Variants in PRDM16 observed in about 807,000 individuals in gnomAD.
PRDM16 encodes histone-lysine N-methyltransferase PRDM16.
PRDM16 carries 23 observed loss-of-function variants against 110.6 expected under a neutral mutation model. The ratio of observed to expected loss-of-function variants is 0.21; its 90% CI spans 0.15 to 0.29. The LOEUF is 0.29. Ranked by LOEUF, PRDM16 falls within the 10% of genes least tolerant of loss-of-function variation. The pLI is 1.00. For missense variants in PRDM16, 1,615 were observed against 1,794.3 expected, an observed-to-expected ratio of 0.90 and a Z score of 1.81; for synonymous variants, 799 against 781.8, an observed-to-expected ratio of 1.02 and a Z score of -0.37.
chr1:3,169,646 A>C (rs1644002250), intron 1 of PRDM16, among the ~76,000 whole-genome samples: 1 of 152,158 alleles, frequency 6.6e-6, no homozygotes, highest in East Asian at 1.9e-4. Context: ...CAAACGATTA[A>C]AGAAAAAAAA....
chr1:3,223,070 G>A (rs1437652347), intron 2 of PRDM16, among the ~76,000 whole-genome samples: 1 of 149,976 alleles, frequency 6.7e-6, no homozygotes, highest in African/African-American at 2.5e-5. Flanking sequence ...AGCAGCCAAG[G>A]TGGCCCTGCC....
Position 3,402,994 on chromosome 1 carries a change from T to G in PRDM16, c.880T>G (p.Tyr294Asp). The G allele has an allele frequency of 6.2e-7, 1 of 1,609,296 alleles. No homozygotes were observed. The highest frequency in any genetic ancestry group is 8.5e-7 in the Non-Finnish European group (1 of 1,177,856). Reference protein sequence around the residue: ...KDCERMFPNKYSLEQHMVIHT... With the variant: ...KDCERMFPNKDSLEQHMVIHT... ...CTGCGAGCGGATGTTCCCCAACAAGTACAGGTGCCACGCCCTCCTCTGAGT... is the reference window on the plus strand; with the variant it reads ...CTGCGAGCGGATGTTCCCCAACAAGGACAGGTGCCACGCCCTCCTCTGAGT... Residue 294 changes from tyrosine (Y) to aspartate (D), a missense_variant, in exon 6 of 17, where the codon TAC (tyrosine) becomes GAC (aspartate). Around this residue, in one of 5 missense-constraint regions of PRDM16, gnomAD observed 416 missense variants for 467.1 expected, o/e 0.89. Coordinates refer to ENST00000270722, the MANE Select transcript of PRDM16 (RefSeq NM_022114.4).
chr1:3,180,423 G>T lies in PRDM16; in HGVS notation c.38-5702G>T, dbSNP rs79028998. Among the ~76,000 whole-genome samples, 60 of 152,210 alleles carry T rather than the reference G, an allele frequency of 3.9e-4. No individual in the cohort carries two copies. In the East Asian group the frequency reaches 9.9e-3, roughly 25 times the overall value. ...GGTGTGCAGTTGTAAGAAACGCCGC[G>T]TAGAGGCCAGCCTGCCCTTGGCGCA... On this transcript the variant is annotated intron_variant, in intron 1 of 16. Transcript: ENST00000270722.
At chr1:3,423,253 G>A (rs571005997) in intron 12 of PRDM16, among the ~76,000 whole-genome samples, 1 of 152,282 alleles carries the variant, frequency 6.6e-6, no homozygotes, top group African/African-American at 2.4e-5. Flanking sequence ...GGCAGCCTGG[G>A]GAGTTGGGGG....
chr1:3,232,720 G>T (rs1639445663), intron 2 of PRDM16, among the ~76,000 whole-genome samples: 1 of 152,128 alleles, frequency 6.6e-6, no homozygotes, highest in Non-Finnish European at 1.5e-5. Context: ...ATTTTTAAGG[G>T]AATTAAAATT....
chr1:3,132,655 CG>C (rs1643357806), intron 1 of PRDM16, among the ~76,000 whole-genome samples: 1 of 152,208 alleles, frequency 6.6e-6, no homozygotes, highest in South Asian at 2.1e-4. Flanking sequence ...TAGAGCCACC[CG>C]GTTCATACTG....
At chr1:3,352,984 C>T (rs1007023724) in intron 3 of PRDM16, among the ~76,000 whole-genome samples, 32 of 152,174 alleles carry the variant, frequency 2.1e-4, no homozygotes, top group Non-Finnish European at 4.1e-4. Context: ...CATGCGTGGC[C>T]GGAGGCAGAG....
intron 3 of PRDM16, among the ~76,000 whole-genome samples, chr1:3,380,399 G>A (rs990776283): frequency 2.6e-5 from 4 of 152,178 alleles, no homozygotes; most frequent in Admixed American, 2.6e-4. Flanking sequence ...AATTGGTCAG[G>A]GGTTGGGGAC....
intron 3 of PRDM16, among the ~76,000 whole-genome samples, chr1:3,247,837 T>A (rs1639825181): frequency 6.6e-6 from 1 of 152,242 alleles, no homozygotes; most frequent in Non-Finnish European, 1.5e-5. Flanking sequence ...GTCGCGCCTT[T>A]CCTGGCCGCG....
Position 3,261,127 on chromosome 1 carries a change from GAAA to G in PRDM16, c.438+17003_438+17005del, listed in dbSNP as rs36004351. The stretch of plus-strand genomic sequence containing the variant: ...CTTCACAAACATGAGGCATTAACAA[GAAA>G]AAAAAAAAAAAACAGGAAGAGGCAG... On this transcript the variant is annotated intron_variant, in intron 3 of 16. Transcript: ENST00000270722. 2.9e-3 allele frequency among the ~76,000 whole-genome samples: 406 copies of G among 139,486 alleles called. 3 individuals carry two copies. The highest frequency in any genetic ancestry group is 0.01 in the African/African-American group (383 of 37,926). The allele number at this position is 139,486 out of a possible 152,430, so 91.5% of individuals were successfully genotyped here. A position where few individuals can be genotyped will look rare whatever the true frequency, so the allele number is the denominator to read the frequency against.
intron 5 of PRDM16, among the ~76,000 whole-genome samples, chr1:3,399,538 T>A (rs1643434743): frequency 6.6e-6 from 1 of 152,072 alleles, no homozygotes; most frequent in Non-Finnish European, 1.5e-5. Context: ...CCCGGCTCTG[T>A]CCTCTGATGG....
intron 3 of PRDM16, among the ~76,000 whole-genome samples, chr1:3,365,208 G>T (rs1006687964): frequency 2.0e-5 from 3 of 152,176 alleles, no homozygotes; most frequent in South Asian, 2.1e-4. Context: ...TTGGGTGGGC[G>T]CAGTGACCCT....
Position 3,073,678 on chromosome 1 carries a change from C to A in PRDM16, c.37+4382C>A, listed in dbSNP as rs377439280. On this transcript the variant is annotated intron_variant, in intron 1 of 16. Coordinates refer to ENST00000270722, the MANE Select transcript of PRDM16 (RefSeq NM_022114.4). ...GGGTCGGGGAGCGGGGCCTGGGGGACCCCGGGCCGGCCGGTAGTCTCGGCC... is the reference window on the plus strand; with the variant it reads ...GGGTCGGGGAGCGGGGCCTGGGGGAACCCGGGCCGGCCGGTAGTCTCGGCC... Among the ~76,000 whole-genome samples, 18 of 152,206 alleles carry A rather than the reference C, an allele frequency of 1.2e-4. No individual in the cohort carries two copies. In the East Asian group the frequency reaches 2.9e-3, roughly 25 times the overall value.
chr1:3,362,329 T>C (rs1307101136), intron 3 of PRDM16, among the ~76,000 whole-genome samples: 1 of 107,228 alleles, frequency 9.3e-6, no homozygotes, highest in Non-Finnish European at 1.9e-5. Flanking sequence ...ACCCTCTGCA[T>C]GGGACACCCA....
chr1:3,241,726 C>T lies in PRDM16; in HGVS notation c.388-2361C>T, dbSNP rs144668428. On this transcript the variant is annotated intron_variant, in intron 2 of 16. Coordinates refer to ENST00000270722, the MANE Select transcript of PRDM16 (RefSeq NM_022114.4). The stretch of plus-strand genomic sequence containing the variant: ...GGTTTATGGGGGCATTCCATCCCAC[C>T]CGGACGCTCGGAGGGCAGGGAGACA... 3.2e-3 allele frequency among the ~76,000 whole-genome samples: 482 copies of T among 152,324 alleles called. 1 individual carries two copies. The highest frequency in any genetic ancestry group is 0.01 in the Middle Eastern group (3 of 294).
chr1:3,259,128 G>A (rs552346390), intron 3 of PRDM16, among the ~76,000 whole-genome samples: 12 of 152,308 alleles, frequency 7.9e-5, no homozygotes, highest in African/African-American at 2.6e-4. Flanking sequence ...GAGCTGCAGG[G>A]ATGAGCAGTA....
rs1638934622 is a variant in PRDM16 at position 3,213,045 on chromosome 1, G to A, written c.387+26571G>A. Among the ~76,000 whole-genome samples, 1 of 152,326 alleles carries A rather than the reference G, an allele frequency of 6.6e-6. No homozygotes were observed. The highest frequency in any genetic ancestry group is 1.9e-4 in the East Asian group (1 of 5,176). ...CAGGTCTCACCCAGAAAGGAAAGCG[G>A]GGTCGGCTCGCCCGCCTGCCGCACG... On this transcript the variant is annotated intron_variant, in intron 2 of 16. Transcript: ENST00000270722. This position sits in a 1 kb window ranked among gnomAD's most constrained non-coding sequence, Gnocchi z 5.3.
chr1:3,387,816 T>C (rs918139090), intron 4 of PRDM16, among the ~76,000 whole-genome samples: 22 of 152,238 alleles, frequency 1.4e-4, no homozygotes, highest in African/African-American at 4.6e-4. Context: ...TGAATAATAA[T>C]AAGATTTAAA....
rs1285301020 is a variant in PRDM16, at chr1:3,405,663, A to C, written c.1186+15A>C. The C allele has an allele frequency of 6.4e-7, 1 of 1,554,812 alleles. No individual in the cohort carries two copies. The highest frequency in any genetic ancestry group is 2.4e-5 in the East Asian group (1 of 41,268). On this transcript the variant is annotated intron_variant, in intron 8 of 16. Transcript: ENST00000270722. Reference sequence around the variant, plus strand: ...GCCTTTCATATGTGAGTGGTCGCCCAGCCTGGCCGCCTGCCCTCCGGGTGC... The same window carrying C: ...GCCTTTCATATGTGAGTGGTCGCCCCGCCTGGCCGCCTGCCCTCCGGGTGC...
Sources: gnomAD v4.1 joint callset for allele counts (sites outside exome capture counted in the v4.1 genomes callset) on GRCh38, gnomAD v4.1.1 for gene constraint, gnomAD v4.1.1 regional missense constraint, Gnocchi (gnomAD v3.1) non-coding constraint, MANE v1.5 for transcripts, NCBI Gene and HGNC (gene_info 2026-07-23, HGNC 2026-07-21) for gene names.